PDS5B: variants seen among roughly 807,000 people sequenced by gnomAD.
PDS5B encodes sister chromatid cohesion protein PDS5 homolog B.
In PDS5B, 51 loss-of-function variants were observed where a neutral mutation model predicts 184.1. The observed-to-expected ratio is 0.28, with a 90% CI of 0.22 to 0.35. PDS5B has a LOEUF of 0.35. PDS5B is among the 10% of genes least tolerant of loss of function. The pLI is 1.00. For synonymous variants in PDS5B, 566 were observed against 569.2 expected (o/e 0.99, Z 0.08); for missense variants, 1,180 against 1,723.3 (o/e 0.68, Z 5.58).
chr13:32,590,255 A>G (rs1279635286), intron 1 of PDS5B, among the ~76,000 whole-genome samples: 2 of 152,234 alleles, frequency 1.3e-5, no homozygotes, highest in Non-Finnish European at 2.9e-5. Flanking sequence ...AAAGTATTCC[A>G]CTAGCCTGCC....
At chr13:32,665,622 AACATCTTTACAACCTC>A (rs1950771964) in intron 6 of PDS5B, among the ~76,000 whole-genome samples, 2 of 150,664 alleles carry the variant, frequency 1.3e-5, no homozygotes, top group Non-Finnish European at 3.0e-5. Context: ...AAAGAAAATA[AACATCTTTACAACCTC>A]AAGATAGGAA....
At chr13:32,675,016 C>T (rs1165763157) in intron 8 of PDS5B, among the ~76,000 whole-genome samples, 2 of 149,542 alleles carry the variant, frequency 1.3e-5, no homozygotes, top group Admixed American at 1.3e-4. Flanking sequence ...ATTACTTAGA[C>T]GAATAAAGAA....
At position 32,773,268 on chromosome 13, in the gene PDS5B, C is replaced by T. The variant is rs1291998716; in HGVS notation, c.4252C>T (p.Pro1418Ser). 3 of 1,613,172 alleles carry T rather than the reference C, an allele frequency of 1.9e-6. No individual in the cohort carries two copies. The South Asian group carries it at 3.3e-5, about 18-fold the overall frequency. The change falls in exon 34 of 35, where the codon CCT becomes TCT. Residue 1418 changes from proline (P) to serine (S), a missense_variant. Around this residue, in one of 11 missense-constraint regions of PDS5B, gnomAD observed 465 missense variants for 497.8 expected, o/e 0.93. Transcript: ENST00000315596. The part of the protein sequence containing the change: ...EEVDVFQGSS[P>S]VDDIPQEETE... ...AGTAGATGTGTTTCAGGGTAGCTCT[C>T]CTGTCGATGATATTCCACAGGAAGA...
In PDS5B at chr13:32,773,268, C is replaced by G; in HGVS notation, c.4252C>G (p.Pro1418Ala). The change falls in exon 34 of 35, where the codon CCT becomes GCT. Residue 1418 changes from proline (P) to alanine (A), a missense_variant. Transcript: ENST00000315596. ...EEVDVFQGSS[P>A]VDDIPQEETE... ...AGTAGATGTGTTTCAGGGTAGCTCT[C>G]CTGTCGATGATATTCCACAGGAAGA... The G allele has an allele frequency of 6.2e-7, 1 of 1,613,172 alleles. No individual in the cohort carries two copies. The highest frequency in any genetic ancestry group is 8.5e-7 in the Non-Finnish European group (1 of 1,179,486).
intron 1 of PDS5B, among the ~76,000 whole-genome samples, chr13:32,626,701 T>C (rs1057440030): frequency 1.3e-5 from 2 of 152,200 alleles, no homozygotes; most frequent in Admixed American, 1.3e-4. Flanking sequence ...GAATCTCTTA[T>C]AAATGTACAG....
chr13:32,722,533 A>T (rs9596149), intron 19 of PDS5B, among the ~76,000 whole-genome samples: 58,968 of 152,056 alleles, frequency 0.39, 11,942 homozygotes, highest in Non-Finnish European at 0.45. Flanking sequence ...CCATATAGGT[A>T]TGAGTAGGCT....
intron 8 of PDS5B, 116 bp from the exon 9 acceptor site, chr13:32,675,727 GT>G (rs1951046954): frequency 1.7e-6 from 1 of 575,676 alleles, no homozygotes; most frequent in Admixed American, 3.0e-5. Flanking sequence ...TTCATTTAGA[GT>G]TCATGAAAGA....
In PDS5B at chr13:32,741,088, GA is replaced by G; in HGVS notation, c.2420del (p.Lys807ArgfsTer25). 2.6e-6 allele frequency: 4 copies of G among 1,556,472 alleles called. No individual in the cohort carries two copies. The highest frequency in any genetic ancestry group is 1.2e-5 in the South Asian group (1 of 85,642). On this transcript the variant is annotated frameshift_variant, in exon 22 of 35. Coordinates refer to ENST00000315596, the MANE Select transcript of PDS5B (RefSeq NM_015032.4). LOFTEE classifies it high-confidence loss of function. The part of the protein sequence containing the change: ...DLLMNDRLPG[K>X]KTTKLWVPDE... Reference sequence around the variant, plus strand: ...TTCTCGTTTATTTTTAGCTTCCAGGGAAAAAGACAACTAAACTTTGGGTTCC... The same window carrying G: ...TTCTCGTTTATTTTTAGCTTCCAGGGAAAAGACAACTAAACTTTGGGTTCC...
chr13:32,766,534 G>A (rs1006428120), intron 31 of PDS5B, among the ~76,000 whole-genome samples: 7 of 152,124 alleles, frequency 4.6e-5, no homozygotes, highest in African/African-American at 1.4e-4. Flanking sequence ...TGCCCTCAGA[G>A]AGATGAGTAT....
At chr13:32,699,664 A>G (rs1951810465) in intron 15 of PDS5B, 66 bp from the exon 16 acceptor site, 1 of 862,458 alleles carries the variant, frequency 1.2e-6, no homozygotes, top group Non-Finnish European at 1.6e-6. Flanking sequence ...AATGAAAAAT[A>G]TTGACCTATT....
chr13:32,718,004 TATTATGGCCAAACATGGTTA>T (rs1952534214), intron 19 of PDS5B, among the ~76,000 whole-genome samples: 1 of 149,574 alleles, frequency 6.7e-6, no homozygotes, highest in South Asian at 2.1e-4. Context: ...AGCGAGAATA[TATTATGGCCAAACATGGTTA>T]ATTTTAGGAG....
chr13:32,764,657 C>T, intron 31 of PDS5B, 63 bp downstream of exon 31: 1 of 864,748 alleles, frequency 1.2e-6, no homozygotes, highest in Non-Finnish European at 1.8e-6. Context: ...AATGTTTACA[C>T]TGAAACCAGT....
chr13:32,683,836 T>C (rs1951315360), intron 10 of PDS5B, 42 bp from the exon 11 acceptor site: 1 of 1,344,896 alleles, frequency 7.4e-7, no homozygotes, highest in Non-Finnish European at 1.1e-6. Context: ...AAAAATATTT[T>C]AGTTATTAAA....
intron 10 of PDS5B, among the ~76,000 whole-genome samples, chr13:32,681,271 CTAGA>C (rs1951231352): frequency 1.3e-5 from 2 of 152,076 alleles, no homozygotes; most frequent in South Asian, 4.1e-4. Flanking sequence ...GTTTTCACTG[CTAGA>C]TAAAGTGATA....
intron 1 of PDS5B, among the ~76,000 whole-genome samples, chr13:32,620,752 G>C (rs1356313559): frequency 6.6e-6 from 1 of 152,122 alleles, no homozygotes; most frequent in Non-Finnish European, 1.5e-5. Context: ...GAAGAATGGT[G>C]GTGTTAGTTT....
intron 1 of PDS5B, among the ~76,000 whole-genome samples, chr13:32,622,122 TTCTCTGTTCTTTGATTTCATTCTCA>T (rs1340866921): frequency 1.3e-5 from 2 of 152,158 alleles, no homozygotes; most frequent in Non-Finnish European, 2.9e-5. Context: ...TTTATCTTCT[TTCTCTGTTCTTTGATTTCATTCTCA>T]TTTTATTCTT....
rs150781304 is a variant in PDS5B, at chr13:32,759,983, C to T, written c.3372+293C>T. Among the ~76,000 whole-genome samples, 959 of 151,006 alleles carry T rather than the reference C, an allele frequency of 6.4e-3. 17 individuals carry two copies. The highest frequency in any genetic ancestry group is 0.022 in the African/African-American group (916 of 41,224). ...TCTTAAAAGGCTTTTTTTTTTGAGACGGAGTCTCTGTTGCCCAGGCTGGAG... is the reference window on the plus strand; with the variant it reads ...TCTTAAAAGGCTTTTTTTTTTGAGATGGAGTCTCTGTTGCCCAGGCTGGAG... On this transcript the variant is annotated intron_variant, in intron 29 of 34. Transcript: ENST00000315596.
intron 21 of PDS5B, among the ~76,000 whole-genome samples, chr13:32,738,880 C>T (rs933083864): frequency 1.3e-5 from 2 of 152,098 alleles, no homozygotes; most frequent in Admixed American, 6.6e-5. Context: ...CCATGTTGGC[C>T]AGGCTGGTCT....
intron 1 of PDS5B, among the ~76,000 whole-genome samples, chr13:32,610,429 CAATA>C (rs1284512228): frequency 6.6e-6 from 1 of 152,086 alleles, no homozygotes; most frequent in Non-Finnish European, 1.5e-5. Context: ...AGTAAGTACT[CAATA>C]AATGTTAAGT....
Sources: allele counts gnomAD v4.1 joint callset (sites outside exome capture counted in the v4.1 genomes callset), GRCh38; gene constraint gnomAD v4.1.1; regional missense constraint gnomAD v4.1.1; transcripts MANE v1.5; gene names NCBI Gene and HGNC (gene_info 2026-07-23, HGNC 2026-07-21).